Variants in ZFHX3 observed in about 807,000 individuals in gnomAD.
The protein encoded by ZFHX3 is zinc finger homeobox 3, also known as zinc finger homeobox protein 3.
A neutral mutation model predicts 279.1 loss-of-function variants in ZFHX3; 42 were observed. The ratio of observed to expected loss-of-function variants is 0.15; its 90% CI spans 0.12 to 0.19. The LOEUF is 0.19. Among genes scored for constraint, ZFHX3 ranks in the 10% least tolerant of loss-of-function variants. The pLI is 1.00. For missense variants in ZFHX3, 4,981 were observed against 4,754.0 expected (o/e 1.05, Z -1.40); for synonymous variants, 2,293 against 1,957.8 (o/e 1.17, Z -4.52).
chr16:72,794,933 G>C lies in ZFHX3; in HGVS notation c.7749C>G (p.Leu2583=). The C allele has an allele frequency of 6.2e-7, 1 of 1,614,158 alleles. No homozygotes were observed. The highest frequency in any genetic ancestry group is 8.5e-7 in the Non-Finnish European group (1 of 1,180,036). The change falls in exon 9 of 10, where the codon CTC becomes CTG. Residue 2583 remains leucine (L), a synonymous_variant. Transcript: ENST00000268489. This position sits in a 1 kb window ranked among gnomAD's most constrained non-coding sequence, Gnocchi z 4.2. ...CCCCAGAGAGCAGCTGGCTGGCCAG[G>C]AGTGGGTTACTGGGATCAAAGAGCA... The part of the protein sequence containing the change: ...PFMLFDPSNP[L]LASQLLSGAI...
Position 72,996,313 on chromosome 16 carries a change from C to A in ZFHX3, c.-49-36119G>T, listed in dbSNP as rs527249859. On this transcript the variant is annotated intron_variant, in intron 1 of 9. Coordinates refer to ENST00000268489, the MANE Select transcript of ZFHX3 (RefSeq NM_006885.4). ...AAATAAATTAATTAATTAATTCGTT[C>A]TTTTGCTTCTCCTAAGCCCCTCAGT... 6.4e-3 allele frequency among the ~76,000 whole-genome samples: 969 copies of A among 152,262 alleles called. 6 individuals carry two copies. The highest frequency in any genetic ancestry group is 0.022 in the African/African-American group (929 of 41,542).
chr16:73,388,934 G>A (rs1195900209), intron 3 of ZFHX3: 1 of 152,260 alleles, frequency 6.6e-6, no homozygotes, highest in African/African-American at 2.4e-5. Flanking sequence ...ACAGAAAGCT[G>A]GCCCGCACAG....
intron 3 of ZFHX3, among the ~76,000 whole-genome samples, chr16:73,395,897 T>A (rs1350825496): frequency 6.6e-6 from 1 of 152,214 alleles, no homozygotes; most frequent in East Asian, 1.9e-4. Flanking sequence ...CACACACCAG[T>A]TGTCCCACAG....
At chr16:73,344,039 T>A (rs932593117) in intron 3 of ZFHX3, among the ~76,000 whole-genome samples, 5 of 152,218 alleles carry the variant, frequency 3.3e-5, no homozygotes, top group Admixed American at 2.6e-4. Context: ...TAGGTGAATG[T>A]TTGATGAAGA....
At chr16:72,862,066 C>T (rs1251755835) in intron 4 of ZFHX3, among the ~76,000 whole-genome samples, 1 of 152,154 alleles carries the variant, frequency 6.6e-6, no homozygotes, top group Non-Finnish European at 1.5e-5. Context: ...TGTCGGTGTC[C>T]TCTGCTCCCT....
chr16:73,876,404 T>C (rs2029948742), intron 1 of ZFHX3, among the ~76,000 whole-genome samples: 1 of 152,224 alleles, frequency 6.6e-6, no homozygotes, highest in South Asian at 2.1e-4. Context: ...CACAGGCTAA[T>C]ATATTTAATA....
chr16:73,095,915 A>G (rs572511576), intron 7 of ZFHX3, among the ~76,000 whole-genome samples: 1 of 152,320 alleles, frequency 6.6e-6, no homozygotes, highest in Admixed American at 6.5e-5. Flanking sequence ...ACTTGTTACA[A>G]CATTGCACTT....
chr16:73,722,631 A>G (rs539780339), intron 1 of ZFHX3, among the ~76,000 whole-genome samples: 135 of 152,268 alleles, frequency 8.9e-4, no homozygotes, highest in African/African-American at 3.1e-3. Context: ...AGAGAGAACT[A>G]AATTGTAAAG....
chr16:73,159,868 T>C (rs910887160), intron 5 of ZFHX3, among the ~76,000 whole-genome samples: 1 of 152,194 alleles, frequency 6.6e-6, no homozygotes, highest in Non-Finnish European at 1.5e-5. Flanking sequence ...GTTCAAGCGA[T>C]TCTCCTGCCT....
chr16:73,244,182 G>A lies in ZFHX3; in HGVS notation c.-1104+12865C>T, dbSNP rs139616046. On this transcript the variant is annotated intron_variant, in intron 5 of 17. Transcript: ENST00000641206. ...TGGCAGCACTGGTCCATCGGAGGAG[G>A]GTTTTTGGGAATATTTTTGAGTGGC... Among the ~76,000 whole-genome samples the A allele has an allele frequency of 6.6e-5, 10 of 152,280 alleles. No homozygotes were observed. The East Asian group carries it at 1.9e-3, about 29-fold the overall frequency.
intron 3 of ZFHX3, among the ~76,000 whole-genome samples, chr16:73,384,709 A>G (rs370583749): frequency 6.6e-6 from 1 of 152,194 alleles, no homozygotes; most frequent in South Asian, 2.1e-4. Flanking sequence ...AGACTGGAAC[A>G]TTCCTGTTTA....
At chr16:73,444,566 T>A (rs1050916758) in intron 3 of ZFHX3, among the ~76,000 whole-genome samples, 5 of 152,210 alleles carry the variant, frequency 3.3e-5, no homozygotes, top group African/African-American at 1.2e-4. Context: ...CAGCCAAAAG[T>A]TATGCTCCTT....
chr16:73,587,331 C>T (rs1248885906), intron 2 of ZFHX3, among the ~76,000 whole-genome samples: 2 of 152,186 alleles, frequency 1.3e-5, no homozygotes, highest in African/African-American at 4.8e-5. Flanking sequence ...ATACATATTA[C>T]TTTTCAGAGG....
chr16:72,903,960 C>T (rs1457782041), intron 3 of ZFHX3, among the ~76,000 whole-genome samples: 1 of 152,212 alleles, frequency 6.6e-6, no homozygotes, highest in Admixed American at 6.5e-5. Context: ...AGCTCCTATG[C>T]TGTGCGTGTT....
chr16:73,319,152 A>G (rs574670093), intron 3 of ZFHX3, among the ~76,000 whole-genome samples: 4 of 152,194 alleles, frequency 2.6e-5, no homozygotes, highest in Non-Finnish European at 5.9e-5. Flanking sequence ...AGCAGGTAAT[A>G]GATGCGCCAT....
At chr16:73,342,028 T>A (rs1168357333) in intron 3 of ZFHX3, among the ~76,000 whole-genome samples, 5 of 152,210 alleles carry the variant, frequency 3.3e-5, no homozygotes, top group African/African-American at 1.2e-4. Context: ...ATACTATAAT[T>A]CACTCAATTG....
At chr16:73,392,498 AGT>A (rs1378110978) in intron 3 of ZFHX3, among the ~76,000 whole-genome samples, 2 of 150,316 alleles carry the variant, frequency 1.3e-5, no homozygotes, top group Admixed American at 1.3e-4. Flanking sequence ...ATGGAGGTAA[AGT>A]TCTAAGGAAT....
At chr16:73,627,268 G>A (rs2052425889) in intron 2 of ZFHX3, among the ~76,000 whole-genome samples, 1 of 152,196 alleles carries the variant, frequency 6.6e-6, no homozygotes, top group South Asian at 2.1e-4. Context: ...GAGAGAGGCA[G>A]GAGGAGATAA....
intron 4 of ZFHX3, among the ~76,000 whole-genome samples, chr16:72,848,854 C>T (rs2037542020): frequency 6.6e-6 from 1 of 152,134 alleles, no homozygotes; most frequent in South Asian, 2.1e-4. Flanking sequence ...CGGAACGTCA[C>T]CTTGGCATGC....
Sources: allele counts gnomAD v4.1 joint callset (sites outside exome capture counted in the v4.1 genomes callset), GRCh38; gene constraint gnomAD v4.1.1; non-coding constraint Gnocchi (gnomAD v3.1); transcripts MANE v1.5; gene names NCBI Gene and HGNC (gene_info 2026-07-23, HGNC 2026-07-21).